The following DACT2 variants were observed in gnomAD, a reference collection of about 807,000 sequenced individuals.
DACT2 encodes dishevelled binding antagonist of beta catenin 2, also known as dapper homolog 2.
A neutral mutation model predicts 22.2 loss-of-function variants in DACT2; 20 were observed. That is an observed-to-expected ratio of 0.90 (90% confidence interval 0.63 to 1.31). DACT2 has a LOEUF of 1.31. Ranked by LOEUF, DACT2 falls within the 50% of genes most tolerant of loss-of-function variation. The pLI, the probability that DACT2 is intolerant of heterozygous loss-of-function variation, is 0.00. For missense variants in DACT2, 1,048 were observed against 1,061.4 expected (o/e 0.99, Z 0.18); for synonymous variants, 463 against 479.8 (o/e 0.96, Z 0.46).
In DACT2 at chr6:168,295,649, C is replaced by T. The variant is rs545809067; in HGVS notation, c.659-945G>A. ...TGACATGAAGACTTGTTATGAAGAT[C>T]GTCATAATCTCCCAAGTCAGCCTAT... On this transcript the variant is annotated intron_variant, in intron 3 of 5. Transcript: ENST00000366796. Among the ~76,000 whole-genome samples the T allele has an allele frequency of 1.8e-3, 273 of 152,276 alleles. 3 individuals are homozygous for T. Among genetic ancestry groups the T allele is most frequent in the Middle Eastern group, 3.4e-3 (1 of 294 alleles).
At chr6:168,303,783 GCT>G (rs75379638), downstream of DACT2, among the ~76,000 whole-genome samples, 26,912 of 152,092 alleles carry the variant, frequency 0.18, 3,297 homozygotes, top group African/African-American at 0.35. Flanking sequence ...GTAATGATAC[GCT>G]CTGTTTTCTT....
In DACT2 at chr6:168,307,153, G is replaced by A; in HGVS notation, c.*279C>T. ...CAACATGGAAACAAGGTGCATGCCG[G>A]GAAGCAGCATCCTGGGCAGACCTTG... On this transcript the variant is annotated 3_prime_UTR_variant, in exon 4 of 4. Transcript: ENST00000366795. The surrounding 1 kb of genome is among the most constrained non-coding windows in gnomAD (Gnocchi z 5.3). 1.6e-6 allele frequency: 2 copies of A among 1,260,878 alleles called. No homozygotes were observed. The highest frequency in any genetic ancestry group is 2.0e-6 in the Non-Finnish European group (2 of 1,001,034). 78.1% of individuals were successfully genotyped at this position (1,260,878 alleles called of 1,614,324 possible). A position where few individuals can be genotyped will look rare whatever the true frequency, so the allele number is the denominator to read the frequency against.
At position 168,307,428 on chromosome 6, in the gene DACT2, C is replaced by A; in HGVS notation, c.*4G>T. The A allele has an allele frequency of 6.4e-7, 1 of 1,551,560 alleles. No homozygotes were observed. Among genetic ancestry groups the A allele is most frequent in the Non-Finnish European group, 8.7e-7 (1 of 1,146,928 alleles). On this transcript the variant is annotated 3_prime_UTR_variant, in exon 4 of 4. Coordinates refer to ENST00000366795, the MANE Select transcript of DACT2 (RefSeq NM_214462.5). The surrounding 1 kb of genome is among the most constrained non-coding windows in gnomAD (Gnocchi z 5.3). ...CAGGCTTCTCTTGACGCAGTCACTG[C>A]ACCTCACACCATGGTCATGACCTTC...
chr6:168,307,757 G>A lies in DACT2; in HGVS notation c.2000C>T (p.Ser667Leu), dbSNP rs1028437587. ...TRSDSEPSKH[S>L]AECDPRFPSV... ...CGGGAACCGCGGGTCACACTCGGCC[G>A]AGTGCTTGGAGGGCTCTGAGTCGCT... The change falls in exon 4 of 4, where the codon TCG (serine) becomes TTG (leucine). Residue 667 changes from serine (S) to leucine (L), a missense_variant. Physicochemically the swap from Ser to Leu is moderately radical, Grantham distance 145. Coordinates refer to ENST00000366795, the MANE Select transcript of DACT2 (RefSeq NM_214462.5). The surrounding 1 kb of genome is among the most constrained non-coding windows in gnomAD (Gnocchi z 5.3). 1.9e-5 allele frequency: 29 copies of A among 1,547,336 alleles called. No individual in the cohort carries two copies. The highest frequency in any genetic ancestry group is 2.4e-5 in the East Asian group (1 of 40,894).
chr6:168,309,473 A>AGACTCAGGGTGCGGGGCCG (rs1212851980), intron 3 of DACT2, among the ~76,000 whole-genome samples: 1 of 63,798 alleles, frequency 1.6e-5, no homozygotes, highest in Non-Finnish European at 3.0e-5. Context: ...GCGGGGCCCT[A>AGACTCAGGGTGCGGGGCCG]TTTGCGCCTG....
downstream of DACT2, among the ~76,000 whole-genome samples, chr6:168,306,265 C>A (rs1247679275): frequency 6.6e-6 from 1 of 152,184 alleles, no homozygotes; most frequent in African/African-American, 2.4e-5. Context: ...ATGTAAAATT[C>A]TTTTAATCTT....
chr6:168,307,663 C>T lies in DACT2; in HGVS notation c.2094G>A (p.Glu698=), dbSNP rs1189635253. 4 of 1,549,148 alleles carry T rather than the reference C, an allele frequency of 2.6e-6. No individual in the cohort carries two copies. The highest frequency in any genetic ancestry group is 2.5e-5 in the East Asian group (1 of 40,816). ...DHTTNRFGDR[E]SSSSDEEGGA... Reference sequence around the variant, plus strand: ...CGCCCTCCTCGTCGCTGCTGCTGGACTCACGGTCTCCGAATCGGTTGGTGG... The same window carrying T: ...CGCCCTCCTCGTCGCTGCTGCTGGATTCACGGTCTCCGAATCGGTTGGTGG... Residue 698 remains glutamate, a synonymous_variant, in exon 4 of 4, where the codon GAG becomes GAA. Transcript: ENST00000366795. This position sits in a 1 kb window ranked among gnomAD's most constrained non-coding sequence, Gnocchi z 5.3.
chr6:168,308,672 G>A lies in DACT2; in HGVS notation c.1085C>T (p.Ser362Phe), dbSNP rs1401843521. The A allele has an allele frequency of 1.3e-6, 2 of 1,545,168 alleles. No homozygotes were observed. The highest frequency in any genetic ancestry group is 1.2e-5 in the South Asian group (1 of 84,054). ...GEQGPLRHAASPSPQRQGGWS... is the reference protein window; with the variant it reads ...GEQGPLRHAAFPSPQRQGGWS... Reference sequence around the variant, plus strand: ...GCCACCCTGCCTCTGTGGAGATGGGGACGCTGCATGCCTTAGAGGTCCCTG... The same window carrying A: ...GCCACCCTGCCTCTGTGGAGATGGGAACGCTGCATGCCTTAGAGGTCCCTG... The change falls in exon 4 of 4, where the codon TCC becomes TTC. Residue 362 changes from serine to phenylalanine, a missense_variant. Physicochemically the swap from Ser to Phe is radical, Grantham distance 155. Transcript: ENST00000366795.
chr6:168,297,111 T>G (rs1442782896), intron 3 of DACT2, among the ~76,000 whole-genome samples: 9 of 152,230 alleles, frequency 5.9e-5, no homozygotes, highest in Non-Finnish European at 1.5e-5. Context: ...TCTGTTTGAT[T>G]TGGCACCATT....
At chr6:168,312,840 G>A (rs1779454313) in intron 1 of DACT2, among the ~76,000 whole-genome samples, 1 of 152,176 alleles carries the variant, frequency 6.6e-6, no homozygotes, top group Non-Finnish European at 1.5e-5. Context: ...ACAAGAGAGA[G>A]GCAGGTAGCA....
Position 168,310,251 on chromosome 6 carries a change from G to T in DACT2, c.575C>A (p.Thr192Asn), listed in dbSNP as rs185304390. The T allele has an allele frequency of 3.5e-5, 54 of 1,551,324 alleles. No individual in the cohort carries two copies. The East Asian group carries it at 1.3e-3, about 37-fold the overall frequency. Residue 192 changes from threonine to asparagine, a missense_variant, in exon 3 of 4, where the codon ACC (threonine) becomes AAC (asparagine). By Grantham distance (65) the Thr-to-Asn change is moderately conservative. Transcript: ENST00000366795. Reference sequence around the variant, plus strand: ...CCCTGGGGGCCTGGCGCCCTCCTCGGTAGCCTGGGGTCTCCACGCTGGCAC... The same window carrying T: ...CCCTGGGGGCCTGGCGCCCTCCTCGTTAGCCTGGGGTCTCCACGCTGGCAC... ...TTVPAWRPQA[T>N]EEGARPPGSV... is the part of the protein sequence containing the mutation.
rs1349655816 is a variant in DACT2 at position 168,308,031 on chromosome 6, C to T, written c.1726G>A (p.Ala576Thr). The T allele has an allele frequency of 6.5e-7, 1 of 1,549,516 alleles. No homozygotes were observed. Among genetic ancestry groups the T allele is most frequent in the South Asian group, 1.2e-5 (1 of 83,744 alleles). Residue 576 changes from alanine (A) to threonine (T), a missense_variant, in exon 4 of 4, where the codon GCA becomes ACA. Coordinates refer to ENST00000366795, the MANE Select transcript of DACT2 (RefSeq NM_214462.5). ...LYPMPVLVPL[A>T]VAPQESHRTS... ...CGGTGGCTCTCCTGCGGGGCCACTG[C>T]CAAGGGGACGAGGACAGGCATGGGG... is the stretch of plus-strand genomic sequence containing the variant.
Position 168,319,529 on chromosome 6 carries a change from C to T in DACT2, c.105G>A (p.Leu35=), listed in dbSNP as rs1305007209. 5 of 1,365,782 alleles carry T rather than the reference C, an allele frequency of 3.7e-6. No homozygotes were observed. Among genetic ancestry groups the T allele is most frequent in the Non-Finnish European group, 2.9e-6 (3 of 1,051,080 alleles). The allele number at this position is 1,365,782 out of a possible 1,614,324, so 84.6% of individuals were successfully genotyped here. A position where few individuals can be genotyped will look rare whatever the true frequency, so the allele number is the denominator to read the frequency against. ...GTACCCGCTCCTGCTGCGTGGCTCG[C>T]AGCCCCTGCAGCTCCTGCAGCCCCG... ...AFAGLQELQG[L]RATQQERVRG... is the part of the protein sequence containing the mutation. The change falls in exon 1 of 4, where the codon CTG becomes CTA. Residue 35 remains leucine (L), a synonymous_variant. Transcript: ENST00000366795.
At position 168,294,700 on chromosome 6, in the gene DACT2, C is replaced by T. The variant is rs149836070; in HGVS notation, c.663G>A (p.Leu221=). The T allele has an allele frequency of 4.0e-4, 602 of 1,493,060 alleles. 5 individuals are homozygous for T. The Admixed American group carries it at 4.8e-3, about 12-fold the overall frequency. 92.5% of individuals were successfully genotyped at this position (1,493,060 alleles called of 1,614,324 possible). A position where few individuals can be genotyped will look rare whatever the true frequency, so the allele number is the denominator to read the frequency against. Residue 221 remains leucine, a synonymous_variant, in exon 4 of 6, where the codon CTG becomes CTA. Transcript: ENST00000366796. ...TGTCAAGTTCACCTGGAGCATTGCA[C>T]AGCTCTGGTAAGAACAAAATGCAAA...
At position 168,308,909 on chromosome 6, in the gene DACT2, G is replaced by GCCA. The variant is rs1214758265; in HGVS notation, c.845_847dup (p.Val282dup). On this transcript the variant is annotated inframe_insertion, in exon 4 of 4. Coordinates refer to ENST00000366795, the MANE Select transcript of DACT2 (RefSeq NM_214462.5). Reference sequence around the variant, plus strand: ...CAGGACAAACAGGGGGCTCTGTAGAGCCACGGCGTGCAGGGGGCTGGGGTA... The same window carrying GCCA: ...CAGGACAAACAGGGGGCTCTGTAGAGCCACCACGGCGTGCAGGGGGCTGGGGTA... 1.3e-6 allele frequency: 2 copies of GCCA among 1,550,772 alleles called. No individual in the cohort carries two copies. The highest frequency in any genetic ancestry group is 1.7e-6 in the Non-Finnish European group (2 of 1,146,894).
chr6:168,306,026 G>A (rs940897967), downstream of DACT2, among the ~76,000 whole-genome samples: 2 of 152,152 alleles, frequency 1.3e-5, no homozygotes, highest in African/African-American at 4.8e-5. Flanking sequence ...TCACTGTCAG[G>A]GAGCTAAGCA....
chr6:168,297,171 TG>T, intron 3 of DACT2, among the ~76,000 whole-genome samples: 1 of 152,342 alleles, frequency 6.6e-6, no homozygotes, highest in African/African-American at 2.4e-5. Context: ...TTGGAAGTCT[TG>T]GGCATGGCAG....
exon 6 of DACT2, chr6:168,293,168 C>T (rs1778943227): frequency 6.6e-6 from 1 of 152,182 alleles, no homozygotes; most frequent in Non-Finnish European, 1.5e-5. Flanking sequence ...TGGAGCTCAT[C>T]TTCTCCCTAA....
Position 168,308,459 on chromosome 6 carries a change from A to G in DACT2, c.1298T>C (p.Leu433Pro), listed in dbSNP as rs570083918. The change falls in exon 4 of 4, where the codon CTC becomes CCC. Residue 433 changes from leucine (L) to proline (P), a missense_variant. Coordinates refer to ENST00000366795, the MANE Select transcript of DACT2 (RefSeq NM_214462.5). ...AGAAGCCTGCACCATGGTCTCCCTG[A>G]GGACACAGCTGTTTGAGGGCTTGGA... is the stretch of plus-strand genomic sequence containing the variant. Reference protein sequence around the residue: ...EGSKPSNSCVLRETMVQASPS... With the variant: ...EGSKPSNSCVPRETMVQASPS... 6.4e-7 allele frequency: 1 copy of G among 1,551,588 alleles called. No homozygotes were observed. Among genetic ancestry groups the G allele is most frequent in the South Asian group, 1.2e-5 (1 of 84,062 alleles).
Sources: gnomAD v4.1 joint callset for allele counts (sites outside exome capture counted in the v4.1 genomes callset) on GRCh38, gnomAD v4.1.1 for gene constraint, Gnocchi (gnomAD v3.1) non-coding constraint, MANE v1.5 for transcripts, NCBI Gene and HGNC (gene_info 2026-07-23, HGNC 2026-07-21) for gene names.